Variants in EPB41L3 observed in about 807,000 individuals in gnomAD.
EPB41L3 encodes band 4.1-like protein 3.
Under a neutral mutation model 127.1 loss-of-function variants are expected in EPB41L3, and 57 were observed. That is an observed-to-expected ratio of 0.45 (90% CI 0.36 to 0.56). The LOEUF (loss-of-function observed/expected upper bound fraction) is 0.56, where lower values mean the gene tolerates loss of function less well. EPB41L3 is among the 20% of genes least tolerant of loss of function. The pLI, the probability that EPB41L3 is intolerant of heterozygous loss-of-function variation, is 0.00. For missense variants in EPB41L3, 1,273 were observed against 1,372.2 expected, an observed-to-expected ratio of 0.93 and a Z score of 1.14; for synonymous variants, 572 against 549.5, an observed-to-expected ratio of 1.04 and a Z score of -0.57.
At chr18:5,539,718 A>C (rs1333252314) in intron 1 of EPB41L3, 1 of 152,250 alleles carries the variant, frequency 6.6e-6, no homozygotes, top group Non-Finnish European at 1.5e-5. Context: ...CAGAAAGGAA[A>C]ACATGAAATA....
intron 16 of EPB41L3, among the ~76,000 whole-genome samples, chr18:5,403,521 A>C (rs1357811704): frequency 6.6e-6 from 1 of 151,900 alleles, no homozygotes; most frequent in Non-Finnish European, 1.5e-5. Context: ...ATAAAGAAAA[A>C]AGATGGTAAC....
chr18:5,527,780 G>A (rs900900275), intron 1 of EPB41L3, among the ~76,000 whole-genome samples: 4 of 152,304 alleles, frequency 2.6e-5, no homozygotes, highest in Admixed American at 1.3e-4. Flanking sequence ...CCGAGGGCTC[G>A]GCAAGTCCAA....
chr18:5,438,079 T>C lies in EPB41L3; in HGVS notation c.561A>G (p.Lys187=). Residue 187 remains lysine, a synonymous_variant, in exon 6 of 23, where the codon AAA becomes AAG. Transcript: ENST00000341928. ...GTTGGGCAGGGTCTGGTGGATAAAA[T>C]TTCACATTAAATGAAAAGTGCCAAG... is the stretch of plus-strand genomic sequence containing the variant. ...SGAWHFSFNV[K]FYPPDPAQLS... 1 of 1,613,814 alleles carries C rather than the reference T, an allele frequency of 6.2e-7. No individual in the cohort carries two copies. The highest frequency in any genetic ancestry group is 8.5e-7 in the Non-Finnish European group (1 of 1,179,934).
chr18:5,542,962 A>G (rs1412308395), intron 1 of EPB41L3, among the ~76,000 whole-genome samples: 7 of 151,730 alleles, frequency 4.6e-5, no homozygotes, highest in Non-Finnish European at 1.0e-4. Context: ...TGCGACCCCA[A>G]CTCCAGCGGT....
chr18:5,550,128 G>A (rs1243474809), intron 3 of EPB41L3, among the ~76,000 whole-genome samples: 5 of 152,164 alleles, frequency 3.3e-5, no homozygotes, highest in Admixed American at 1.3e-4. Context: ...AAGTTGCCAA[G>A]GGATGTCTCA....
rs572361660 is a variant in EPB41L3 at position 5,392,923 on chromosome 18, A to G, written c.*562T>C. 4 of 152,880 alleles carry G rather than the reference A, an allele frequency of 2.6e-5. No homozygotes were observed. The highest frequency in any genetic ancestry group is 1.3e-4 in the Admixed American group (2 of 15,302). 9.5% of individuals were successfully genotyped at this position (152,880 alleles called of 1,614,324 possible). On this transcript the variant is annotated 3_prime_UTR_variant, in exon 23 of 23. Coordinates refer to ENST00000341928, the MANE Select transcript of EPB41L3 (RefSeq NM_012307.5). Reference sequence around the variant, plus strand: ...GAGGGTCAGAGAGTCATTACTGTTTATGGGTGAGAGTAATAAAACCAGATG... The same window carrying G: ...GAGGGTCAGAGAGTCATTACTGTTTGTGGGTGAGAGTAATAAAACCAGATG...
At chr18:5,419,250 G>C (rs903062311) in intron 12 of EPB41L3, among the ~76,000 whole-genome samples, 6 of 152,144 alleles carry the variant, frequency 3.9e-5, no homozygotes, top group Admixed American at 3.9e-4. Context: ...CTGATTAGGC[G>C]TAAGTATAAA....
intron 1 of EPB41L3, among the ~76,000 whole-genome samples, chr18:5,517,110 G>A (rs575293175): frequency 1.4e-4 from 22 of 152,182 alleles, no homozygotes; most frequent in African/African-American, 2.9e-4. Context: ...CTGTTCATGC[G>A]TCTATCACTG....
At chr18:5,476,587 G>A (rs767976938) in intron 3 of EPB41L3, among the ~76,000 whole-genome samples, 5 of 152,088 alleles carry the variant, frequency 3.3e-5, no homozygotes, top group African/African-American at 1.2e-4. Flanking sequence ...GCTAGGACTC[G>A]AAGACTGCCA....
At position 5,397,490 on chromosome 18, in the gene EPB41L3, A is replaced by G; in HGVS notation, c.2473-64T>C. Reference sequence around the variant, plus strand: ...ATAAACCAAAGGTCAGAAAATAACTAAAGCTGCCACTCGCCAGGATGTCTA... The same window carrying G: ...ATAAACCAAAGGTCAGAAAATAACTGAAGCTGCCACTCGCCAGGATGTCTA... On this transcript the variant is annotated intron_variant, in intron 17 of 22. Coordinates refer to ENST00000341928, the MANE Select transcript of EPB41L3 (RefSeq NM_012307.5). The surrounding 1 kb of genome is among the most constrained non-coding windows in gnomAD (Gnocchi z 4.1). 1 of 1,513,594 alleles carries G rather than the reference A, an allele frequency of 6.6e-7. No individual in the cohort carries two copies. The highest frequency in any genetic ancestry group is 8.8e-7 in the Non-Finnish European group (1 of 1,133,704). The allele number at this position is 1,513,594 out of a possible 1,614,324, so 93.8% of individuals were successfully genotyped here.
intron 16 of EPB41L3, among the ~76,000 whole-genome samples, chr18:5,402,551 T>C (rs1260310378): frequency 6.6e-6 from 1 of 152,136 alleles, no homozygotes; most frequent in Non-Finnish European, 1.5e-5. Context: ...CATTCCAAAC[T>C]GTGTATGTCC....
chr18:5,544,171 G>A (rs1407894558), upstream of EPB41L3: 1 of 985,528 alleles, frequency 1.0e-6, no homozygotes, highest in East Asian at 1.1e-4. Context: ...GGGGGCCACC[G>A]CAGTACTTCA....
At position 5,397,951 on chromosome 18, in the gene EPB41L3, GC is replaced by G. The variant is rs1391160301; in HGVS notation, c.2472+69del. The G allele has an allele frequency of 6.3e-7, 1 of 1,597,952 alleles. No individual in the cohort carries two copies. The highest frequency in any genetic ancestry group is 8.6e-7 in the Non-Finnish European group (1 of 1,169,252). On this transcript the variant is annotated intron_variant, in intron 17 of 22. Transcript: ENST00000341928. The surrounding 1 kb of genome is among the most constrained non-coding windows in gnomAD (Gnocchi z 4.1). ...CAGCTGGATGCAACCACACACTCAC[GC>G]CCAAAAAAAGGGTAAGGAAAGGCAC...
At chr18:5,469,088 T>C (rs1330335542) in intron 3 of EPB41L3, among the ~76,000 whole-genome samples, 1 of 152,166 alleles carries the variant, frequency 6.6e-6, no homozygotes, top group African/African-American at 2.4e-5. Flanking sequence ...TTCCTGCACA[T>C]GGAACAAGAA....
At chr18:5,544,192 A>G (rs2093835597), upstream of EPB41L3, 1 of 985,516 alleles carries the variant, frequency 1.0e-6, no homozygotes, top group Non-Finnish European at 1.2e-6. Context: ...GGACAGTTAC[A>G]TGGGCACAGC....
At position 5,395,305 on chromosome 18, in the gene EPB41L3, G is replaced by A. The variant is rs566876033; in HGVS notation, c.3073-158C>T. On this transcript the variant is annotated intron_variant, in intron 20 of 22. Transcript: ENST00000341928. ...ATTTCACATTTTTAATTCCAGAGGT[G>A]AGGACGGAATGGAGGCCCTTGGGTC... 4.6e-5 allele frequency among the ~76,000 whole-genome samples: 7 copies of A among 152,334 alleles called. No individual in the cohort carries two copies. The South Asian group carries it at 1.4e-3, about 32-fold the overall frequency.
At chr18:5,516,843 A>C (rs990558665) in intron 1 of EPB41L3, among the ~76,000 whole-genome samples, 1 of 152,258 alleles carries the variant, frequency 6.6e-6, no homozygotes, top group African/African-American at 2.4e-5. Context: ...TCAATTTGCC[A>C]GTTAATTATA....
At chr18:5,401,420 A>T (rs2074474779) in intron 16 of EPB41L3, among the ~76,000 whole-genome samples, 1 of 152,178 alleles carries the variant, frequency 6.6e-6, no homozygotes, top group Non-Finnish European at 1.5e-5. Flanking sequence ...TATTTAAAAT[A>T]AAACATTAAG....
chr18:5,554,744 T>C (rs1568566003), intron 3 of EPB41L3, among the ~76,000 whole-genome samples: 1 of 152,122 alleles, frequency 6.6e-6, no homozygotes. Flanking sequence ...TAAGCATTTA[T>C]ATTCTGAGGA....
Sources: gnomAD v4.1 joint callset for allele counts (sites outside exome capture counted in the v4.1 genomes callset) on GRCh38, gnomAD v4.1.1 for gene constraint, Gnocchi (gnomAD v3.1) non-coding constraint, MANE v1.5 for transcripts, NCBI Gene and HGNC (gene_info 2026-07-23, HGNC 2026-07-21) for gene names.